The following GFPT2 variants were observed in gnomAD, a reference collection of about 807,000 sequenced individuals.
GFPT2 encodes the protein glutamine--fructose-6-phosphate transaminase 2.
A neutral mutation model predicts 85.6 loss-of-function variants in GFPT2; 62 were observed. That is an observed-to-expected ratio of 0.72 (90% CI 0.59 to 0.90). The LOEUF (loss-of-function observed/expected upper bound fraction) is 0.90. Among genes scored for constraint, GFPT2 ranks in the 40% least tolerant of loss-of-function variants. GFPT2 has a pLI of 0.00. For synonymous variants in GFPT2, 368 were observed against 344.5 expected (o/e 1.07, Z -0.75); for missense variants, 788 against 893.4 (o/e 0.88, Z 1.50).
chr5:180,313,982 T>C lies in GFPT2; in HGVS notation c.1274-18A>G. The C allele has an allele frequency of 6.3e-7, 1 of 1,581,798 alleles. No homozygotes were observed. The highest frequency in any genetic ancestry group is 1.3e-5 in the African/African-American group (1 of 74,414). ...GGTCTCGCCTGCCGCCCAGGGGCCC[T>C]CTCAGTGCCGCGCTCCGCCAGCCTC... On this transcript the variant is annotated intron_variant, in intron 13 of 18. Transcript: ENST00000253778.
chr5:180,307,232 A>G lies in GFPT2; in HGVS notation c.1618T>C (p.Ser540Pro), dbSNP rs2127646659. ...TAGCCCCGCCCCATCACCAGCAGCG[A>G]TCTCTGCGTGTAGAGCTCCAGGGCC... is the stretch of plus-strand genomic sequence containing the variant. The part of the protein sequence containing the change: ...DLALELYTQR[S>P]LLVMGRGYNY... Residue 540 changes from serine to proline, a missense_variant, in exon 16 of 19, where the codon TCG becomes CCG. Physicochemically the swap from Ser to Pro is moderately conservative, Grantham distance 74. Coordinates refer to ENST00000253778, the MANE Select transcript of GFPT2 (RefSeq NM_005110.4). 2 of 1,613,214 alleles carry G rather than the reference A, an allele frequency of 1.2e-6. No homozygotes were observed. Among genetic ancestry groups the G allele is most frequent in the Non-Finnish European group, 1.7e-6 (2 of 1,179,698 alleles).
chr5:180,339,914 T>C (rs968307312), intron 1 of GFPT2, among the ~76,000 whole-genome samples: 13 of 152,248 alleles, frequency 8.5e-5, no homozygotes, highest in Non-Finnish European at 1.8e-4. Flanking sequence ...TCTGTATCCC[T>C]GGAGGGAGGC....
chr5:180,324,970 G>A (rs1234583229), intron 7 of GFPT2, 75 bp from the exon 8 acceptor site: 2 of 917,168 alleles, frequency 2.2e-6, no homozygotes, highest in African/African-American at 1.6e-5. Context: ...AGCATCTGAG[G>A]TAGGATCCCC....
chr5:180,350,226 G>C (rs1157213620), intron 1 of GFPT2, among the ~76,000 whole-genome samples: 1 of 152,098 alleles, frequency 6.6e-6, no homozygotes, highest in Admixed American at 6.5e-5. Flanking sequence ...TCACCCAAGG[G>C]GTCACCCAGG....
intron 1 of GFPT2, among the ~76,000 whole-genome samples, chr5:180,347,821 G>A (rs1207809279): frequency 3.9e-5 from 6 of 151,944 alleles, no homozygotes; most frequent in African/African-American, 1.5e-4. Context: ...CTGAGCGTGG[G>A]GGTGGAGGGG....
chr5:180,313,378 T>C (rs974348515), intron 14 of GFPT2, among the ~76,000 whole-genome samples: 67 of 150,030 alleles, frequency 4.5e-4, no homozygotes, highest in African/African-American at 1.6e-3. Flanking sequence ...GATCACGAGG[T>C]CAGGAGATCG....
At chr5:180,316,927 C>G in intron 11 of GFPT2, 36 bp downstream of exon 11, 1 of 1,561,700 alleles carries the variant, frequency 6.4e-7, no homozygotes, top group Non-Finnish European at 8.8e-7. Flanking sequence ...TGAGACTAGG[C>G]TCGGGCGGAG....
chr5:180,315,647 T>A (rs557298588), intron 13 of GFPT2, among the ~76,000 whole-genome samples: 1 of 152,194 alleles, frequency 6.6e-6, no homozygotes, highest in Non-Finnish European at 1.5e-5. Flanking sequence ...ATATTCATTA[T>A]ATGAAAATTC....
At chr5:180,305,517 C>T (rs1034719452) in intron 16 of GFPT2, among the ~76,000 whole-genome samples, 1 of 152,154 alleles carries the variant, frequency 6.6e-6, no homozygotes, top group Non-Finnish European at 1.5e-5. Context: ...AATCATCTCT[C>T]GACTCCCCGC....
At chr5:180,350,639 GGA>G (rs1764694765) in intron 1 of GFPT2, among the ~76,000 whole-genome samples, 1 of 152,250 alleles carries the variant, frequency 6.6e-6, no homozygotes, top group Non-Finnish European at 1.5e-5. Context: ...GAGAAGGAAA[GGA>G]GAGAGACAGG....
chr5:180,333,408 G>A (rs1367272973), intron 4 of GFPT2, among the ~76,000 whole-genome samples: 3 of 151,830 alleles, frequency 2.0e-5, no homozygotes, highest in Non-Finnish European at 2.9e-5. Flanking sequence ...CTAATTTTTT[G>A]TATTTTTAGT....
At chr5:180,349,510 G>T (rs1474869064) in intron 1 of GFPT2, among the ~76,000 whole-genome samples, 3 of 152,024 alleles carry the variant, frequency 2.0e-5, no homozygotes, top group Non-Finnish European at 4.4e-5. Context: ...TCTGAACTTG[G>T]GAATCCCCTG....
At chr5:180,314,048 T>C (rs2127649112) in intron 13 of GFPT2, 84 bp from the exon 14 acceptor site, 6 of 1,371,986 alleles carry the variant, frequency 4.4e-6, no homozygotes, top group Non-Finnish European at 5.8e-6. Context: ...CGCCGGCTCT[T>C]ACAGGGAAAT....
In GFPT2 at chr5:180,324,304, G is replaced by A. The variant is rs769471001; in HGVS notation, c.678C>T (p.Cys226=). 1.3e-6 allele frequency: 2 copies of A among 1,548,124 alleles called. No individual in the cohort carries two copies. Among genetic ancestry groups the A allele is most frequent in the South Asian group, 2.3e-5 (2 of 87,672 alleles). ...AGATATTCTTCACATTCTCCAGAGT[G>A]CCTAGCAAATGGAGGAATGGGTTGC... ...TEQIPILYRT[C]TLENVKNICK... Residue 226 remains cysteine, a splice_region_variant and synonymous_variant, in exon 9 of 19, where the codon TGC becomes TGT. Coordinates refer to ENST00000253778, the MANE Select transcript of GFPT2 (RefSeq NM_005110.4).
chr5:180,317,478 G>A (rs577783714), intron 10 of GFPT2, among the ~76,000 whole-genome samples: 1 of 151,872 alleles, frequency 6.6e-6, no homozygotes, highest in East Asian at 1.9e-4. Flanking sequence ...AACCTTTCCA[G>A]GCCGGGCGCA....
chr5:180,311,419 C>T (rs933506214), intron 15 of GFPT2, among the ~76,000 whole-genome samples: 7 of 152,216 alleles, frequency 4.6e-5, no homozygotes, highest in Non-Finnish European at 7.3e-5. Flanking sequence ...AAAGGGGAGG[C>T]CACGGTCCCC....
intron 7 of GFPT2, 46 bp from the exon 8 acceptor site, chr5:180,324,941 C>T: frequency 8.5e-7 from 1 of 1,176,124 alleles, no homozygotes; most frequent in Non-Finnish European, 1.3e-6. Flanking sequence ...CTTTGACGCC[C>T]AGTGCTGGGT....
In GFPT2 at chr5:180,302,403, G is replaced by C. The variant is rs755802574; in HGVS notation, c.2004+20C>G. 1 of 1,602,826 alleles carries C rather than the reference G, an allele frequency of 6.2e-7. No individual in the cohort carries two copies. Among genetic ancestry groups the C allele is most frequent in the East Asian group, 2.2e-5 (1 of 44,724 alleles). On this transcript the variant is annotated intron_variant, in intron 18 of 18. Transcript: ENST00000253778. ...GTTATGTCTCTCCTCTCTGCTGTTA[G>C]GTGCAGTTTTTAGACGCACGTCATA...
rs749424043 is a variant in GFPT2 at position 180,318,871 on chromosome 5, G to A, written c.880C>T (p.Arg294Trp). The change falls in exon 10 of 19, where the codon CGG (arginine) becomes TGG (tryptophan). Residue 294 changes from arginine to tryptophan, a missense_variant. Coordinates refer to ENST00000253778, the MANE Select transcript of GFPT2 (RefSeq NM_005110.4). The surrounding 1 kb of genome is among the most constrained non-coding windows in gnomAD (Gnocchi z 4.2). ...AVADGKLSIH[R>W]VKRSASDDPS... is the part of the protein sequence containing the mutation. Reference sequence around the variant, plus strand: ...TCATCACTGGCCGAGCGCTTGACCCGGTGAATGGAGAGTTTCCCATCAGCC... The same window carrying A: ...TCATCACTGGCCGAGCGCTTGACCCAGTGAATGGAGAGTTTCCCATCAGCC... 6.8e-6 allele frequency: 11 copies of A among 1,613,902 alleles called. No individual in the cohort carries two copies. Among genetic ancestry groups the A allele is most frequent in the South Asian group, 4.4e-5 (4 of 91,068 alleles).
Sources: allele counts gnomAD v4.1 joint callset (sites outside exome capture counted in the v4.1 genomes callset), GRCh38; gene constraint gnomAD v4.1.1; non-coding constraint Gnocchi (gnomAD v3.1); transcripts MANE v1.5; gene names NCBI Gene and HGNC (gene_info 2026-07-23, HGNC 2026-07-21).